The following UNC79 variants were observed in gnomAD, a reference collection of about 807,000 sequenced individuals.
UNC79 encodes protein unc-79 homolog.
A neutral mutation model predicts 283.1 loss-of-function variants in UNC79; 37 were observed. That is an observed-to-expected ratio of 0.13 (90% CI 0.10 to 0.17). UNC79 has a LOEUF of 0.17. Among genes scored for constraint, UNC79 ranks in the 10% least tolerant of loss-of-function variants. The pLI is 1.00. For synonymous variants in UNC79, 1,107 were observed against 1,200.2 expected, an observed-to-expected ratio of 0.92 and a Z score of 1.61; for missense variants, 2,272 against 3,211.1, an observed-to-expected ratio of 0.71 and a Z score of 7.07.
At chr14:93,372,357 T>C (rs2054470101) in intron 1 of UNC79, among the ~76,000 whole-genome samples, 1 of 152,240 alleles carries the variant, frequency 6.6e-6, no homozygotes, top group Admixed American at 6.5e-5. Context: ...AATGATTTAA[T>C]ACACCAGTTA....
At chr14:93,395,374 G>A (rs1017535290) in intron 1 of UNC79, among the ~76,000 whole-genome samples, 8 of 152,210 alleles carry the variant, frequency 5.3e-5, no homozygotes, top group African/African-American at 1.7e-4. Context: ...TGTACAGGAA[G>A]CATGGCTGGG....
chr14:93,610,445 T>C (rs946083795), intron 26 of UNC79, among the ~76,000 whole-genome samples: 1 of 152,188 alleles, frequency 6.6e-6, no homozygotes, highest in African/African-American at 2.4e-5. Flanking sequence ...ATTGAAGCTA[T>C]ATTGTAACAG....
At position 93,690,252 on chromosome 14, in the gene UNC79, C is replaced by T. The variant is rs199824627; in HGVS notation, c.7221C>T (p.His2407=). Residue 2407 remains histidine (H), a synonymous_variant, in exon 45 of 49, where the codon CAC becomes CAT. Coordinates refer to ENST00000555664, the Ensembl canonical transcript of UNC79. The surrounding 1 kb of genome is among the most constrained non-coding windows in gnomAD (Gnocchi z 4.3). The stretch of plus-strand genomic sequence containing the variant: ...CCATTCCTCTGGATGCAGGCTCCCA[C>T]GTTGCAGACCATCTTATTGTTATCC... 114 of 1,614,054 alleles carry T rather than the reference C, an allele frequency of 7.1e-5. No homozygotes were observed. The highest frequency in any genetic ancestry group is 8.2e-5 in the Non-Finnish European group (97 of 1,180,046).
intron 26 of UNC79, among the ~76,000 whole-genome samples, chr14:93,611,791 A>G (rs1241440877): frequency 1.3e-5 from 2 of 152,156 alleles, no homozygotes; most frequent in Non-Finnish European, 2.9e-5. Context: ...GTGCTGATCT[A>G]ACCCACCAGA....
chr14:93,669,866 C>T (rs893748385), intron 40 of UNC79, among the ~76,000 whole-genome samples: 5 of 152,078 alleles, frequency 3.3e-5, no homozygotes, highest in Admixed American at 1.3e-4. Context: ...AGGCTGCAAA[C>T]CATTTCTGCA....
Position 93,380,383 on chromosome 14 carries a change from G to T in UNC79, c.-351+46860G>T, listed in dbSNP as rs1268450884. 7.2e-5 allele frequency among the ~76,000 whole-genome samples: 11 copies of T among 152,216 alleles called. 1 individual carries two copies. Among genetic ancestry groups the T allele is most frequent in the Non-Finnish European group, 1.6e-4 (11 of 68,034 alleles). On this transcript the variant is annotated intron_variant, in intron 1 of 49. Coordinates refer to the UNC79 transcript ENST00000256339. The stretch of plus-strand genomic sequence containing the variant: ...CTTTCCTCCCCAGATTAAGGGTCAT[G>T]TCAGAGCCTTTGCTCGGGGAGACTT...
At chr14:93,674,036 T>C (rs1485979775) in intron 41 of UNC79, among the ~76,000 whole-genome samples, 1 of 152,140 alleles carries the variant, frequency 6.6e-6, no homozygotes, top group Admixed American at 6.5e-5. Context: ...GCTTTTGGTT[T>C]TAGGGCTTCT....
chr14:93,556,354 A>T (rs79387993), intron 14 of UNC79, among the ~76,000 whole-genome samples: 1 of 152,340 alleles, frequency 6.6e-6, no homozygotes, highest in Admixed American at 6.5e-5. Context: ...TTAAAAAAAT[A>T]TGCCTCTTAT....
chr14:93,689,938 A>G, intron 44 of UNC79, 179 bp from the exon 48 acceptor site: 1 of 627,166 alleles, frequency 1.6e-6, no homozygotes, highest in Non-Finnish European at 2.7e-6. Flanking sequence ...CCAGGATTAG[A>G]GTGGAAAACA....
intron 5 of UNC79, among the ~76,000 whole-genome samples, chr14:93,491,699 C>A (rs115138706): frequency 7.2e-5 from 11 of 152,146 alleles, no homozygotes; most frequent in African/African-American, 2.4e-4. Flanking sequence ...ATTGTAAATT[C>A]TCAATAAATA....
chr14:93,667,561 C>G (rs1021225280), intron 40 of UNC79, among the ~76,000 whole-genome samples: 2 of 152,084 alleles, frequency 1.3e-5, no homozygotes, highest in African/African-American at 4.8e-5. Context: ...TAGTTAAAAA[C>G]CTACCCTCAA....
At chr14:93,597,444 C>T in exon 24 of UNC79, 7 of 1,614,192 alleles carry the variant, frequency 4.3e-6, no homozygotes, top group Non-Finnish European at 5.1e-6. Context: ...TGGCACATGC[C>T]TTCTGCTGCT....
chr14:93,456,010 G>T lies in UNC79; in HGVS notation c.23-11661G>T, dbSNP rs966867726. ...AGGAGGGTTCAGGTGACTCTTGTAG[G>T]AGCTGCAGAGAATTACAGATGTATG... On this transcript the variant is annotated intron_variant, in intron 1 of 48. Coordinates refer to ENST00000555664, the Ensembl canonical transcript of UNC79. 2.6e-5 allele frequency among the ~76,000 whole-genome samples: 4 copies of T among 151,844 alleles called. No individual in the cohort carries two copies. In the East Asian group the frequency reaches 5.8e-4, roughly 22 times the overall value.
chr14:93,672,878 A>C (rs369707199), intron 40 of UNC79, among the ~76,000 whole-genome samples: 75 of 152,232 alleles, frequency 4.9e-4, no homozygotes, highest in African/African-American at 1.7e-3. Context: ...GTGATCTGAC[A>C]AAGAGGGTGG....
chr14:93,394,513 C>T lies in UNC79; in HGVS notation c.-351+60990C>T, dbSNP rs574250599. The stretch of plus-strand genomic sequence containing the variant: ...GCAACCTCCGCCTCCCAGGTTCAAG[C>T]GATTCTCCTGCCTCAGCCTCCTGAG... On this transcript the variant is annotated intron_variant, in intron 1 of 49. Transcript: ENST00000256339. Among the ~76,000 whole-genome samples, 395 of 151,578 alleles carry T rather than the reference C, an allele frequency of 2.6e-3. 5 individuals carry two copies. In the South Asian group the frequency reaches 0.032, roughly 12 times the overall value.
intron 7 of UNC79, among the ~76,000 whole-genome samples, chr14:93,502,152 G>T (rs536503177): frequency 1.3e-5 from 2 of 152,312 alleles, no homozygotes; most frequent in Admixed American, 6.5e-5. Flanking sequence ...GGTGGCTTAT[G>T]CCTGTAATCC....
chr14:93,475,254 A>C (rs2057734607), intron 3 of UNC79, among the ~76,000 whole-genome samples: 1 of 152,178 alleles, frequency 6.6e-6, no homozygotes, highest in African/African-American at 2.4e-5. Context: ...AACTCTGATA[A>C]TTTGGTCCCT....
intron 26 of UNC79, 76 bp from the exon 28 acceptor site, chr14:93,612,721 C>T (rs971243686): frequency 1.3e-6 from 2 of 1,532,928 alleles, no homozygotes; most frequent in East Asian, 4.5e-5. Flanking sequence ...GGTGCCTTAT[C>T]AATATCTAAG....
At chr14:93,504,381 G>C (rs1567017425) in intron 7 of UNC79, among the ~76,000 whole-genome samples, 1 of 151,922 alleles carries the variant, frequency 6.6e-6, no homozygotes, top group Admixed American at 6.6e-5. Flanking sequence ...CTAGGATTTT[G>C]ATTGGGATTG....
Sources: allele counts gnomAD v4.1 joint callset (sites outside exome capture counted in the v4.1 genomes callset), GRCh38; gene constraint gnomAD v4.1.1; non-coding constraint Gnocchi (gnomAD v3.1); transcripts MANE v1.5; gene names NCBI Gene and HGNC (gene_info 2026-07-23, HGNC 2026-07-21).